The following ZC3H7A variants were observed in gnomAD, a reference collection of about 807,000 sequenced individuals.
ZC3H7A encodes zinc finger CCCH-type containing 7A.
A neutral mutation model predicts 125.5 loss-of-function variants in ZC3H7A; 44 were observed. That is an observed-to-expected ratio of 0.35 (90% CI 0.28 to 0.45). ZC3H7A has a LOEUF of 0.45. ZC3H7A is among the 20% of genes least tolerant of loss of function. ZC3H7A has a pLI of 1.00. For missense variants in ZC3H7A, 977 were observed against 1,170.7 expected (o/e 0.83, Z 2.41); for synonymous variants, 399 against 391.2 (o/e 1.02, Z -0.23).
At chr16:11,771,107 GT>G in intron 9 of ZC3H7A, 120 bp from the exon 10 acceptor site, 2 of 1,017,274 alleles carry the variant, frequency 2.0e-6, no homozygotes, top group Non-Finnish European at 2.8e-6. Context: ...ACATAACAAA[GT>G]TTAGGCCAGG....
intron 16 of ZC3H7A, 96 bp from the exon 17 acceptor site, chr16:11,762,843 A>G (rs2052775230): frequency 9.2e-6 from 10 of 1,092,100 alleles, no homozygotes; most frequent in Non-Finnish European, 1.2e-5. Flanking sequence ...TCAGCTTCCA[A>G]TCTATTCTCA....
chr16:11,765,495 A>G lies in ZC3H7A; in HGVS notation c.1713T>C (p.Leu571=). The G allele has an allele frequency of 6.2e-7, 1 of 1,612,056 alleles. No homozygotes were observed. The highest frequency in any genetic ancestry group is 1.1e-5 in the South Asian group (1 of 90,752). ...TAAGTTTTGGAGAACACACCTCACA[A>G]AGGAATATAAATTCCCCAAGATGCT... is the stretch of plus-strand genomic sequence containing the variant. ...LQEHLGEFIF[L]CEKCFDHKPR... is the part of the protein sequence containing the mutation. The change falls in exon 14 of 23, where the codon CTT becomes CTC. Residue 571 remains leucine (L), a synonymous_variant. Coordinates refer to ENST00000355758, the MANE Select transcript of ZC3H7A (RefSeq NM_014153.4). This position sits in a 1 kb window ranked among gnomAD's most constrained non-coding sequence, Gnocchi z 4.8.
chr16:11,781,454 A>G lies in ZC3H7A; in HGVS notation c.79T>C (p.Ser27Pro). ...EGLQFIQSPL[S>P]YPGTQEQYAV... ...TATTGCTCCTGTGTTCCTGGATATG[A>G]CAGCGGTGACCTAAGAAGAAGAAAC... is the stretch of plus-strand genomic sequence containing the variant. Residue 27 changes from serine to proline, a missense_variant, in exon 3 of 23, where the codon TCA becomes CCA. This residue lies in a region of ZC3H7A where 199 missense variants were observed against 256.1 expected (regional missense o/e 0.78). Coordinates refer to ENST00000355758, the MANE Select transcript of ZC3H7A (RefSeq NM_014153.4). 6.2e-7 allele frequency: 1 copy of G among 1,606,628 alleles called. No homozygotes were observed. Among genetic ancestry groups the G allele is most frequent in the Non-Finnish European group, 8.5e-7 (1 of 1,174,766 alleles).
At chr16:11,755,762 A>C (rs2052634623) in intron 21 of ZC3H7A, among the ~76,000 whole-genome samples, 1 of 152,190 alleles carries the variant, frequency 6.6e-6, no homozygotes, top group South Asian at 2.1e-4. Context: ...ATTTTTTCAC[A>C]TGAGGAGACT....
At chr16:11,766,950 C>A (rs961475051) in intron 13 of ZC3H7A, among the ~76,000 whole-genome samples, 1 of 152,278 alleles carries the variant, frequency 6.6e-6, no homozygotes. Context: ...ATCCAAGGAA[C>A]TTGCTATTAG....
At chr16:11,773,148 C>T (rs2053016680) in intron 9 of ZC3H7A, among the ~76,000 whole-genome samples, 1 of 151,942 alleles carries the variant, frequency 6.6e-6, no homozygotes, top group Non-Finnish European at 1.5e-5. Context: ...TAAAACTTTA[C>T]TTACGGACCC....
At chr16:11,787,487 G>A (rs1280225136) in intron 1 of ZC3H7A, among the ~76,000 whole-genome samples, 1 of 151,988 alleles carries the variant, frequency 6.6e-6, no homozygotes, top group Non-Finnish European at 1.5e-5. Flanking sequence ...TTTGACACAA[G>A]GTCTTACCCT....
rs777051245 is a variant in ZC3H7A at position 11,768,296 on chromosome 16, G to A, written c.1360+19C>T. ...GAGCAAGTAGTTTAATACTCTCTGC[G>A]TGTTTGTTTGGTCCTGACCTGATTT... is the stretch of plus-strand genomic sequence containing the variant. On this transcript the variant is annotated intron_variant, in intron 12 of 22. Transcript: ENST00000355758. 2.3e-5 allele frequency: 33 copies of A among 1,457,968 alleles called. 1 individual carries two copies. Among genetic ancestry groups the A allele is most frequent in the Middle Eastern group, 1.8e-4 (1 of 5,472 alleles). 90.3% of individuals were successfully genotyped at this position (1,457,968 alleles called of 1,614,324 possible).
rs1297465418 is a variant in ZC3H7A, at chr16:11,774,368, A to T, written c.771T>A (p.Ser257=). 6.2e-7 allele frequency: 1 copy of T among 1,614,072 alleles called. No individual in the cohort carries two copies. The highest frequency in any genetic ancestry group is 2.2e-5 in the East Asian group (1 of 44,882). The change falls in exon 9 of 23, where the codon TCT becomes TCA. Residue 257 remains serine (S), a synonymous_variant. Coordinates refer to ENST00000355758, the MANE Select transcript of ZC3H7A (RefSeq NM_014153.4). ...PLQVEESALP[S]AVLANGGKMP... The stretch of plus-strand genomic sequence containing the variant: ...TCTTTCCTCCATTTGCCAGCACTGC[A>T]GATGGCAGAGCGCTCTCTTCCACTT...
chr16:11,760,243 A>AAATT (rs1206231349), intron 19 of ZC3H7A, among the ~76,000 whole-genome samples: 1 of 152,128 alleles, frequency 6.6e-6, no homozygotes, highest in Admixed American at 6.5e-5. Flanking sequence ...GTTCAAAATT[A>AAATT]AAGAATAACC....
At chr16:11,771,103 C>A in intron 9 of ZC3H7A, 116 bp from the exon 10 acceptor site, 1 of 1,073,136 alleles carries the variant, frequency 9.3e-7, no homozygotes, top group Non-Finnish European at 1.3e-6. Flanking sequence ...CGTTACATAA[C>A]AAAGTTTAGG....
At chr16:11,791,733 G>C (rs774445286) in intron 1 of ZC3H7A, among the ~76,000 whole-genome samples, 24 of 152,298 alleles carry the variant, frequency 1.6e-4, no homozygotes, top group Non-Finnish European at 2.1e-4. Flanking sequence ...AGTGGGGCTT[G>C]GCCCCCAACC....
rs544013829 is a variant in ZC3H7A, at chr16:11,781,663, T to C, written c.69-199A>G. Among the ~76,000 whole-genome samples, 6 of 150,372 alleles carry C rather than the reference T, an allele frequency of 4.0e-5. No individual in the cohort carries two copies. In the East Asian group the frequency reaches 1.2e-3, roughly 29 times the overall value. The stretch of plus-strand genomic sequence containing the variant: ...AAAAATACATATACATATATATATA[T>C]ATATATATATACTATTCCTTAGTAT... On this transcript the variant is annotated intron_variant, in intron 2 of 22. Transcript: ENST00000355758.
chr16:11,756,249 A>G lies in ZC3H7A; in HGVS notation c.2550T>C (p.Tyr850=). ...NGKQIHMPTD[Y]AEVTVDFHCW... is the part of the protein sequence containing the mutation. The stretch of plus-strand genomic sequence containing the variant: ...GCACGGTACTCACTGTAACTTCAGC[A>G]TAATCTGTTGGCATGTGAATTTGTT... The change falls in exon 21 of 23, where the codon TAT becomes TAC. Residue 850 remains tyrosine (Y), a synonymous_variant. Coordinates refer to ENST00000355758, the MANE Select transcript of ZC3H7A (RefSeq NM_014153.4). 2 of 1,613,918 alleles carry G rather than the reference A, an allele frequency of 1.2e-6. No individual in the cohort carries two copies. Among genetic ancestry groups the G allele is most frequent in the Admixed American group, 3.3e-5 (2 of 59,960 alleles).
chr16:11,755,141 C>T (rs935635443), intron 21 of ZC3H7A, among the ~76,000 whole-genome samples: 13 of 149,414 alleles, frequency 8.7e-5, no homozygotes, highest in African/African-American at 2.5e-4. Context: ...ACCCGAGAGG[C>T]GGAGGTTGCA....
At chr16:11,794,838 G>A (rs898650542) in intron 1 of ZC3H7A, among the ~76,000 whole-genome samples, 5 of 152,196 alleles carry the variant, frequency 3.3e-5, no homozygotes, top group African/African-American at 9.6e-5. Flanking sequence ...GAACAATGTG[G>A]CTGACAAGCC....
At chr16:11,776,577 A>G (rs1328050025) in intron 5 of ZC3H7A, 45 bp from the exon 6 acceptor site, 2 of 1,550,254 alleles carry the variant, frequency 1.3e-6, no homozygotes, top group Non-Finnish European at 8.7e-7. Flanking sequence ...ATATTTACTA[A>G]TGGTGAAGAA....
At chr16:11,760,140 A>AAAAAAAAAG (rs1567374789) in intron 19 of ZC3H7A, among the ~76,000 whole-genome samples, 2 of 149,598 alleles carry the variant, frequency 1.3e-5, no homozygotes, top group African/African-American at 5.0e-5. Flanking sequence ...AAAAAAAAAA[A>AAAAAAAAAG]AAAAAGAAAA....
At chr16:11,767,614 A>C (rs2052883160) in intron 12 of ZC3H7A, 36 bp from the exon 13 acceptor site, 1 of 1,478,206 alleles carries the variant, frequency 6.8e-7, no homozygotes, top group African/African-American at 1.4e-5. Flanking sequence ...TTATATGCAC[A>C]AAAAATATCA....
Sources: gnomAD v4.1 joint callset for allele counts (sites outside exome capture counted in the v4.1 genomes callset) on GRCh38, gnomAD v4.1.1 for gene constraint, gnomAD v4.1.1 regional missense constraint, Gnocchi (gnomAD v3.1) non-coding constraint, MANE v1.5 for transcripts, NCBI Gene and HGNC (gene_info 2026-07-23, HGNC 2026-07-21) for gene names.